The following PSD3 variants were observed in gnomAD, a reference collection of about 807,000 sequenced individuals.
The protein encoded by PSD3 is pleckstrin and Sec7 domain containing 3, also known as PH and SEC7 domain-containing protein 3.
PSD3 carries 49 observed loss-of-function variants against 105.5 expected under a neutral mutation model. The observed-to-expected ratio is 0.46, with a 90% CI of 0.37 to 0.59. The LOEUF (loss-of-function observed/expected upper bound fraction) is 0.59, where lower values mean the gene tolerates loss of function less well. Among genes scored for constraint, PSD3 ranks in the 20% least tolerant of loss-of-function variants. PSD3 has a pLI of 0.00. For missense variants in PSD3, 1,561 were observed against 1,263.8 expected (o/e 1.24, Z -3.57); for synonymous variants, 557 against 457.8 (o/e 1.22, Z -2.77).
intron 12 of PSD3, among the ~76,000 whole-genome samples, chr8:18,599,606 T>A (rs779796880): frequency 1.3e-5 from 2 of 152,172 alleles, no homozygotes; most frequent in African/African-American, 4.8e-5. Context: ...TACGAGACCC[T>A]ATATATAGAT....
chr8:18,747,751 C>T (rs1407348190), intron 9 of PSD3, among the ~76,000 whole-genome samples: 1 of 151,782 alleles, frequency 6.6e-6, no homozygotes, highest in African/African-American at 2.4e-5. Context: ...ACATGTGTAC[C>T]AATGTCTGCT....
chr8:18,892,106 C>T (rs1818823753), intron 2 of PSD3, among the ~76,000 whole-genome samples: 1 of 151,904 alleles, frequency 6.6e-6, no homozygotes, highest in African/African-American at 2.4e-5. Flanking sequence ...ATTATTTGCA[C>T]TTTTTTTCTA....
chr8:18,763,071 A>C, intron 9 of PSD3: 1 of 484,398 alleles, frequency 2.1e-6, no homozygotes, highest in Non-Finnish European at 4.0e-6. Context: ...CCAGCTACAA[A>C]ATGACATGGA....
rs150268532 is a variant in PSD3 at position 18,804,850 on chromosome 8, C to A, written c.1683G>T (p.Gly561=). 7 of 1,612,972 alleles carry A rather than the reference C, an allele frequency of 4.3e-6. No homozygotes were observed. The Admixed American group carries it at 1.0e-4, about 23-fold the overall frequency. ...TCTCCTTTTCCAAAATTTCAGTGCT[C>A]CCCATTTCAGAATGAGCTTCTAGCC... ...TTRLEAHSEM[G]STEILEKETP... The change falls in exon 5 of 16, where the codon GGG becomes GGT. Residue 561 remains glycine, a synonymous_variant. Transcript: ENST00000327040.
At chr8:18,558,770 G>C (rs1208585765) in intron 14 of PSD3, among the ~76,000 whole-genome samples, 4 of 152,124 alleles carry the variant, frequency 2.6e-5, no homozygotes, top group Non-Finnish European at 5.9e-5. Flanking sequence ...GCAGTGAGTC[G>C]AGGTTGCGCC....
At chr8:18,843,508 A>G (rs1814825821) in intron 4 of PSD3, among the ~76,000 whole-genome samples, 1 of 152,128 alleles carries the variant, frequency 6.6e-6, no homozygotes, top group African/African-American at 2.4e-5. Flanking sequence ...CCCCTCCTCC[A>G]TGGAAAGATA....
chr8:18,953,903 T>C (rs1823398000), intron 1 of PSD3, among the ~76,000 whole-genome samples: 1 of 152,066 alleles, frequency 6.6e-6, no homozygotes, highest in South Asian at 2.1e-4. Flanking sequence ...AGTATGACAC[T>C]TAAGACACAC....
intron 8 of PSD3, among the ~76,000 whole-genome samples, chr8:18,791,410 C>A (rs570652837): frequency 2.0e-5 from 3 of 151,954 alleles, no homozygotes; most frequent in African/African-American, 7.3e-5. Flanking sequence ...AATAGAGAAC[C>A]CAGAAATAAG....
intron 9 of PSD3, among the ~76,000 whole-genome samples, chr8:18,671,056 G>A (rs1799756509): frequency 6.6e-6 from 1 of 152,168 alleles, no homozygotes; most frequent in African/African-American, 2.4e-5. Context: ...CCACAGCGAG[G>A]GTTTCATTTG....
intron 9 of PSD3, among the ~76,000 whole-genome samples, chr8:18,710,180 G>A (rs919567431): frequency 7.2e-5 from 11 of 152,114 alleles, no homozygotes; most frequent in African/African-American, 2.4e-4. Context: ...CACACAACAC[G>A]AGAACTTCAC....
intron 2 of PSD3, among the ~76,000 whole-genome samples, chr8:18,891,421 GCTACGA>G (rs1251592262): frequency 6.6e-6 from 1 of 151,924 alleles, no homozygotes; most frequent in Non-Finnish European, 1.5e-5. Context: ...AAGGATCTTT[GCTACGA>G]CTACAGTCTC....
In PSD3 at chr8:18,902,901, A is replaced by T. The variant is rs138864226; in HGVS notation, c.131-30168T>A. Among the ~76,000 whole-genome samples, 53 of 152,136 alleles carry T rather than the reference A, an allele frequency of 3.5e-4. No individual in the cohort carries two copies. In the East Asian group the frequency reaches 8.7e-3, roughly 25 times the overall value. ...TTCTCATTTTCCACACAATGGGGAG[A>T]CTTAGATGAGGGGATTTCTCTAGGT... On this transcript the variant is annotated intron_variant, in intron 2 of 15. Transcript: ENST00000327040.
At chr8:18,655,307 C>A (rs9657491) in intron 10 of PSD3, among the ~76,000 whole-genome samples, 20,094 of 139,980 alleles carry the variant, frequency 0.14, 1,877 homozygotes, top group African/African-American at 0.28. Flanking sequence ...CCAGCCTGGG[C>A]GACAAAGCCA....
intron 1 of PSD3, among the ~76,000 whole-genome samples, chr8:19,076,543 T>C (rs1829467902): frequency 1.3e-5 from 2 of 152,160 alleles, no homozygotes; most frequent in Admixed American, 6.5e-5. Flanking sequence ...CAGCAAGCAA[T>C]ACTTGGGTAC....
intron 9 of PSD3, among the ~76,000 whole-genome samples, chr8:18,695,041 G>T (rs934510066): frequency 4.6e-5 from 7 of 152,214 alleles, no homozygotes; most frequent in African/African-American, 1.7e-4. Context: ...GTTAGGCTGT[G>T]CAATTCCCAA....
chr8:18,620,118 AGAC>A (rs1322518410), intron 11 of PSD3, among the ~76,000 whole-genome samples: 5 of 152,196 alleles, frequency 3.3e-5, no homozygotes, highest in Admixed American at 6.5e-5. Context: ...TCAAGTCCTC[AGAC>A]AACAGCTTAA....
In PSD3 at chr8:18,835,904, T is replaced by C. The variant is rs564740173; in HGVS notation, c.1635-31006A>G. 9.0e-4 allele frequency among the ~76,000 whole-genome samples: 131 copies of C among 145,292 alleles called. 1 individual carries two copies. The highest frequency in any genetic ancestry group is 3.1e-3 in the African/African-American group (122 of 39,364). On this transcript the variant is annotated intron_variant, in intron 4 of 15. Transcript: ENST00000327040. ...ATGGGGGGGCGGATCGTGTAGGGAC[T>C]TGGAGGTCATGGTAAAGGCTCTGGC... is the stretch of plus-strand genomic sequence containing the variant.
At chr8:18,765,967 C>A (rs368090899) in intron 8 of PSD3, among the ~76,000 whole-genome samples, 18 of 141,008 alleles carry the variant, frequency 1.3e-4, no homozygotes, top group South Asian at 2.3e-4. Context: ...GACTCCATCT[C>A]AAAAAAAAAA....
intron 11 of PSD3, among the ~76,000 whole-genome samples, chr8:18,622,857 C>T (rs564751892): frequency 1.4e-4 from 21 of 152,242 alleles, no homozygotes; most frequent in Middle Eastern, 6.8e-3. Context: ...TCCAGTTTTA[C>T]CTCCCACCTT....
Sources: gnomAD v4.1 joint callset for allele counts (sites outside exome capture counted in the v4.1 genomes callset) on GRCh38, gnomAD v4.1.1 for gene constraint, MANE v1.5 for transcripts, NCBI Gene and HGNC (gene_info 2026-07-23, HGNC 2026-07-21) for gene names.